GRIA1: variants seen among roughly 807,000 people sequenced by gnomAD.
GRIA1 encodes the protein glutamate receptor 1.
In GRIA1, 31 loss-of-function variants were observed where a neutral mutation model predicts 99.2. The observed-to-expected ratio is 0.31, with a 90% confidence interval of 0.23 to 0.42. The LOEUF is 0.42. GRIA1 is among the 10% of genes least tolerant of loss of function. The pLI is 1.00. For missense variants in GRIA1, 782 were observed against 1,157.5 expected, an observed-to-expected ratio of 0.68 and a Z score of 4.71; for synonymous variants, 438 against 432.4, an observed-to-expected ratio of 1.01 and a Z score of -0.16.
chr5:153,703,210 TA>T (rs1471799082), intron 10 of GRIA1, among the ~76,000 whole-genome samples: 1 of 152,190 alleles, frequency 6.6e-6, no homozygotes, highest in African/African-American at 2.4e-5. Context: ...GTATCTTACA[TA>T]CATGGGTACC....
At chr5:153,742,327 A>G (rs1229197964) in intron 11 of GRIA1, among the ~76,000 whole-genome samples, 2 of 152,236 alleles carry the variant, frequency 1.3e-5, no homozygotes, top group Non-Finnish European at 2.9e-5. Context: ...GAGAAGTAGC[A>G]TAGGTTACCA....
At chr5:153,611,774 A>G (rs1766008237) in intron 2 of GRIA1, among the ~76,000 whole-genome samples, 1 of 152,234 alleles carries the variant, frequency 6.6e-6, no homozygotes, top group African/African-American at 2.4e-5. Context: ...CCTGCTTTTC[A>G]GTGGACAAAG....
chr5:153,537,446 C>T (rs1401602247), intron 2 of GRIA1, among the ~76,000 whole-genome samples: 1 of 152,172 alleles, frequency 6.6e-6, no homozygotes, highest in Non-Finnish European at 1.5e-5. Context: ...TCTCTCCCCA[C>T]CTCCGCAGCC....
At chr5:153,707,800 C>T (rs914861007) in intron 11 of GRIA1, among the ~76,000 whole-genome samples, 2 of 147,998 alleles carry the variant, frequency 1.4e-5, no homozygotes, top group Non-Finnish European at 3.0e-5. Context: ...TCTTGTTTTT[C>T]TTTAAATAAG....
chr5:153,753,347 G>A (rs187831185), intron 11 of GRIA1, among the ~76,000 whole-genome samples: 1 of 152,306 alleles, frequency 6.6e-6, no homozygotes, highest in African/African-American at 2.4e-5. Context: ...CTGACCAAAG[G>A]TTCCGCTGGG....
intron 1 of GRIA1, 169 bp downstream of exon 1, chr5:153,491,139 TCTC>T: frequency 1.0e-6 from 1 of 973,484 alleles, no homozygotes; most frequent in South Asian, 1.6e-5. Context: ...GGAGGGGGCT[TCTC>T]CTGATCGGAT....
intron 2 of GRIA1, among the ~76,000 whole-genome samples, chr5:153,533,971 G>A (rs1758319189): frequency 1.3e-5 from 2 of 152,228 alleles, no homozygotes; most frequent in South Asian, 2.1e-4. Context: ...ATTGAAATCT[G>A]TCAAACTCCA....
At chr5:153,685,345 A>T (rs1462499056) in intron 7 of GRIA1, among the ~76,000 whole-genome samples, 1 of 152,172 alleles carries the variant, frequency 6.6e-6, no homozygotes, top group Non-Finnish European at 1.5e-5. Context: ...AATATCTTGG[A>T]TCTCCATGGT....
intron 2 of GRIA1, among the ~76,000 whole-genome samples, chr5:153,646,391 A>G (rs188288715): frequency 6.6e-6 from 1 of 152,298 alleles, no homozygotes; most frequent in East Asian, 1.9e-4. Flanking sequence ...TTTGCCTTTA[A>G]TTGATAGACA....
At chr5:153,519,406 A>G (rs1057378833) in intron 2 of GRIA1, among the ~76,000 whole-genome samples, 1 of 151,794 alleles carries the variant, frequency 6.6e-6, no homozygotes, top group East Asian at 1.9e-4. Context: ...TTTGACAACC[A>G]CTACCTATTG....
At chr5:153,582,534 C>T (rs1428550263) in intron 2 of GRIA1, among the ~76,000 whole-genome samples, 1 of 152,182 alleles carries the variant, frequency 6.6e-6, no homozygotes, top group Non-Finnish European at 1.5e-5. Flanking sequence ...GAAGACCTTT[C>T]TTCTTTTTCA....
intron 14 of GRIA1, 150 bp from the exon 15 acceptor site, chr5:153,802,206 G>A (rs1766086275): frequency 3.1e-6 from 2 of 642,098 alleles, no homozygotes. Flanking sequence ...CTTGGTCAAT[G>A]AATAAATAGC....
intron 11 of GRIA1, among the ~76,000 whole-genome samples, chr5:153,735,330 T>C (rs1346875555): frequency 6.6e-6 from 1 of 152,178 alleles, no homozygotes; most frequent in East Asian, 1.9e-4. Context: ...AGTGAGCAAT[T>C]CCTGTCCCTT....
At chr5:153,685,860 C>A (rs1324953980) in intron 7 of GRIA1, among the ~76,000 whole-genome samples, 2 of 152,312 alleles carry the variant, frequency 1.3e-5, no homozygotes, top group African/African-American at 4.8e-5. Flanking sequence ...GCAGGCCCCC[C>A]ATACTTTCTT....
At chr5:153,509,028 T>C in intron 2 of GRIA1, among the ~76,000 whole-genome samples, 1 of 152,232 alleles carries the variant, frequency 6.6e-6, no homozygotes, top group East Asian at 1.9e-4. Context: ...TCATGTCATG[T>C]TCTCTAATAT....
intron 13 of GRIA1, among the ~76,000 whole-genome samples, chr5:153,789,618 TA>T (rs1765175362): frequency 6.6e-6 from 1 of 152,210 alleles, no homozygotes; most frequent in South Asian, 2.1e-4. Flanking sequence ...CATTTCCAGG[TA>T]AAATCTAGAG....
intron 2 of GRIA1, among the ~76,000 whole-genome samples, chr5:153,624,197 G>A (rs920833499): frequency 6.6e-6 from 1 of 152,160 alleles, no homozygotes; most frequent in Admixed American, 6.5e-5. Flanking sequence ...ATAAAAAGAA[G>A]AAGATGACCT....
chr5:153,569,331 T>C (rs1357161277), intron 2 of GRIA1, among the ~76,000 whole-genome samples: 1 of 152,248 alleles, frequency 6.6e-6, no homozygotes, highest in Non-Finnish European at 1.5e-5. Context: ...GTAAACAGCA[T>C]TGTTTATAAA....
At chr5:153,536,914 C>A (rs987517640) in intron 2 of GRIA1, among the ~76,000 whole-genome samples, 1 of 152,140 alleles carries the variant, frequency 6.6e-6, no homozygotes, top group African/African-American at 2.4e-5. Context: ...TGAGATAAGA[C>A]TATCTGGGTT....
Sources: gnomAD v4.1 joint callset for allele counts (sites outside exome capture counted in the v4.1 genomes callset) on GRCh38, gnomAD v4.1.1 for gene constraint, MANE v1.5 for transcripts, NCBI Gene and HGNC (gene_info 2026-07-23, HGNC 2026-07-21) for gene names.